The following UNC13C variants were observed in gnomAD, a reference collection of about 807,000 sequenced individuals.
The protein encoded by UNC13C is protein unc-13 homolog C.
Under a neutral mutation model 245.4 loss-of-function variants are expected in UNC13C, and 174 were observed. The observed-to-expected ratio is 0.71, with a 90% CI of 0.63 to 0.80. UNC13C has a LOEUF of 0.80. UNC13C is among the 30% of genes least tolerant of loss of function. The probability of loss-of-function intolerance (pLI) is 0.00; values close to 1 mark genes in which losing one functional copy is unlikely to be tolerated. For missense variants in UNC13C, 2,829 were observed against 2,602.9 expected, an observed-to-expected ratio of 1.09 and a Z score of -1.89; for synonymous variants, 992 against 895.1, an observed-to-expected ratio of 1.11 and a Z score of -1.93.
At position 54,143,500 on chromosome 15, in the gene UNC13C, A is replaced by G. The variant is rs10048013; in HGVS notation, c.3007-120A>G. The stretch of plus-strand genomic sequence containing the variant: ...TGACTTGGAGCTGACCCTGCTTAGC[A>G]TCTGTCATACTAGGTGTTACGTGTG... On this transcript the variant is annotated intron_variant, in intron 3 of 32. Coordinates refer to ENST00000260323, the MANE Select transcript of UNC13C (RefSeq NM_001080534.3). 5.7e-3 allele frequency: 3,901 copies of G among 688,494 alleles called. 117 individuals carry two copies. The African/African-American group carries it at 0.063, about 11-fold the overall frequency. The allele number at this position is 688,494 out of a possible 1,614,324, so 42.6% of individuals were successfully genotyped here.
intron 4 of UNC13C, among the ~76,000 whole-genome samples, chr15:54,213,133 T>A (rs1596015753): frequency 6.6e-6 from 1 of 152,158 alleles, no homozygotes; most frequent in African/African-American, 2.4e-5. Context: ...GTCTATATGC[T>A]TGTTTTTGCT....
At chr15:54,110,392 T>C (rs988507044) in intron 2 of UNC13C, among the ~76,000 whole-genome samples, 5 of 152,118 alleles carry the variant, frequency 3.3e-5, no homozygotes, top group Admixed American at 6.5e-5. Flanking sequence ...GCAATACCAA[T>C]AGAGAAAAAT....
chr15:54,525,946 T>TG (rs1895436810), intron 25 of UNC13C, among the ~76,000 whole-genome samples: 5 of 152,164 alleles, frequency 3.3e-5, no homozygotes, highest in Admixed American at 2.6e-4. Context: ...TATGCAGTTC[T>TG]AGTGTTTAGA....
intron 17 of UNC13C, among the ~76,000 whole-genome samples, chr15:54,362,306 A>T (rs553105241): frequency 1.3e-5 from 2 of 152,206 alleles, no homozygotes; most frequent in African/African-American, 4.8e-5. Context: ...CCTTCCTCTC[A>T]CCTCAGAACC....
At chr15:54,129,790 A>G (rs2031292551) in intron 2 of UNC13C, among the ~76,000 whole-genome samples, 2 of 151,228 alleles carry the variant, frequency 1.3e-5, no homozygotes, top group East Asian at 2.0e-4. Flanking sequence ...TGTACATTCT[A>G]TTTTCTTAGT....
In UNC13C at chr15:54,393,104, T is replaced by G. The variant is rs757272005; in HGVS notation, c.4770T>G (p.Asp1590Glu). 1 of 1,609,966 alleles carries G rather than the reference T, an allele frequency of 6.2e-7. No individual in the cohort carries two copies. The highest frequency in any genetic ancestry group is 8.5e-7 in the Non-Finnish European group (1 of 1,177,998). ...AGGGACCAACCACCAAGAATTTGGA[T>G]TTTTGGCCCCAACTTATTACACTGA... Reference protein sequence around the residue: ...EDQGPTTKNLDFWPQLITLMV... With the variant: ...EDQGPTTKNLEFWPQLITLMV... Residue 1590 changes from aspartate (D) to glutamate (E), a missense_variant, in exon 18 of 33, where the codon GAT (aspartate) becomes GAG (glutamate). Coordinates refer to ENST00000260323, the MANE Select transcript of UNC13C (RefSeq NM_001080534.3).
At chr15:54,195,831 T>C (rs1231570629) in intron 4 of UNC13C, among the ~76,000 whole-genome samples, 1 of 152,146 alleles carries the variant, frequency 6.6e-6, no homozygotes, top group Non-Finnish European at 1.5e-5. Context: ...TTGGTTAAAA[T>C]TGTTCAAATT....
rs75832199 is a variant in UNC13C, at chr15:54,454,661, T to A, written c.4933+39594T>A. 4.5e-4 allele frequency among the ~76,000 whole-genome samples: 68 copies of A among 152,240 alleles called. 1 individual carries two copies. In the East Asian group the frequency reaches 0.01, roughly 23 times the overall value. ...TTTCTTTCTCTATACATTTACCTAT[T>A]CTGAGTACCTCATGTAGGTGGAATC... On this transcript the variant is annotated intron_variant, in intron 19 of 32. Coordinates refer to ENST00000260323, the MANE Select transcript of UNC13C (RefSeq NM_001080534.3).
At chr15:54,559,556 T>A (rs1303475170) in intron 29 of UNC13C, among the ~76,000 whole-genome samples, 1 of 151,610 alleles carries the variant, frequency 6.6e-6, no homozygotes, top group Non-Finnish European at 1.5e-5. Flanking sequence ...AATGAGGAGG[T>A]GGTTGGAGAT....
At chr15:54,368,979 A>G (rs2039428078) in intron 17 of UNC13C, among the ~76,000 whole-genome samples, 1 of 152,154 alleles carries the variant, frequency 6.6e-6, no homozygotes, top group Admixed American at 6.5e-5. Context: ...TAATTTTACC[A>G]AAGCTTGTTG....
intron 12 of UNC13C, among the ~76,000 whole-genome samples, chr15:54,298,239 T>C (rs1352225982): frequency 6.6e-6 from 1 of 152,150 alleles, no homozygotes; most frequent in Non-Finnish European, 1.5e-5. Context: ...GTTAAAAATA[T>C]TGATTGAAGA....
chr15:54,135,216 C>T (rs1180640828), intron 2 of UNC13C, among the ~76,000 whole-genome samples: 1 of 152,208 alleles, frequency 6.6e-6, no homozygotes, highest in African/African-American at 2.4e-5. Flanking sequence ...CTTTATCAGA[C>T]ATATAGTTTG....
intron 2 of UNC13C, among the ~76,000 whole-genome samples, chr15:54,080,606 T>C (rs1158469669): frequency 2.0e-5 from 3 of 152,104 alleles, no homozygotes; most frequent in Admixed American, 6.5e-5. Flanking sequence ...TTTGTACACA[T>C]AGAAATGTTC....
At chr15:54,173,825 G>A (rs535050826) in intron 4 of UNC13C, among the ~76,000 whole-genome samples, 3 of 151,996 alleles carry the variant, frequency 2.0e-5, no homozygotes, top group Non-Finnish European at 4.4e-5. Context: ...TTTAGCATTC[G>A]TGAACTATGT....
At chr15:53,880,862 T>C in the UNC13C span, among the ~76,000 whole-genome samples, 1 of 152,188 alleles carries the variant, frequency 6.6e-6, no homozygotes, top group Non-Finnish European at 1.5e-5. Context: ...GGTTTTAGGA[T>C]AAAAATCGCT....
At chr15:54,614,553 T>C (rs949191066) in intron 30 of UNC13C, among the ~76,000 whole-genome samples, 23 of 152,162 alleles carry the variant, frequency 1.5e-4, no homozygotes, top group African/African-American at 5.5e-4. Flanking sequence ...GGCTGAAATA[T>C]GTATTAATTT....
intron 11 of UNC13C, among the ~76,000 whole-genome samples, chr15:54,297,397 A>T (rs112485659): frequency 0.013 from 1,996 of 152,178 alleles, 12 homozygotes; most frequent in Non-Finnish European, 0.02. Flanking sequence ...CTGTTAGACA[A>T]GGTGAAGTGC....
intron 2 of UNC13C, among the ~76,000 whole-genome samples, chr15:54,059,180 T>C (rs1333297697): frequency 6.8e-6 from 1 of 147,404 alleles, no homozygotes; most frequent in East Asian, 2.0e-4. Flanking sequence ...ATTGTCCCTG[T>C]TTGCAGAGGA....
intron 25 of UNC13C, among the ~76,000 whole-genome samples, chr15:54,526,047 C>T (rs1895442036): frequency 6.6e-6 from 1 of 152,138 alleles, no homozygotes; most frequent in African/African-American, 2.4e-5. Context: ...TGTATTCATA[C>T]CATGCATATC....
Sources: gnomAD v4.1 joint callset for allele counts (sites outside exome capture counted in the v4.1 genomes callset) on GRCh38, gnomAD v4.1.1 for gene constraint, MANE v1.5 for transcripts, NCBI Gene and HGNC (gene_info 2026-07-23, HGNC 2026-07-21) for gene names.